USP16: variants seen among roughly 807,000 people sequenced by gnomAD.
The protein encoded by USP16 is ubiquitin specific peptidase 16, also known as ubiquitin carboxyl-terminal hydrolase 16.
A neutral mutation model predicts 95.9 loss-of-function variants in USP16; 77 were observed. The ratio of observed to expected loss-of-function variants is 0.80; its 90% CI spans 0.67 to 0.97. USP16 has a LOEUF of 0.97. USP16 is among the 50% of genes least tolerant of loss of function. The pLI, the probability that USP16 is intolerant of heterozygous loss-of-function variation, is 0.00. For synonymous variants in USP16, 303 were observed against 318.2 expected (o/e 0.95, Z 0.51); for missense variants, 943 against 959.9 (o/e 0.98, Z 0.23).
chr21:29,032,888 C>A (rs1365814315), intron 3 of USP16, among the ~76,000 whole-genome samples: 1 of 152,272 alleles, frequency 6.6e-6, no homozygotes, highest in South Asian at 2.1e-4. Context: ...TATATTCTTA[C>A]TAGCAGTGTA....
At position 29,032,264 on chromosome 21, in the gene USP16, C is replaced by T. The variant is rs1451692855; in HGVS notation, c.240+1491C>T. Among the ~76,000 whole-genome samples the T allele has an allele frequency of 3.3e-5, 5 of 152,108 alleles. No homozygotes were observed. The East Asian group carries it at 7.7e-4, about 23-fold the overall frequency. ...TTTCTTTTTTTGAGGCAGGGTCTCA[C>T]TCTCTCACCCAGGCTGGAGTTCAGC... On this transcript the variant is annotated intron_variant, in intron 3 of 17. Coordinates refer to ENST00000399976, the MANE Select transcript of USP16 (RefSeq NM_006447.3).
At position 29,030,758 on chromosome 21, in the gene USP16, T is replaced by G. The variant is rs2085065963; in HGVS notation, c.225T>G (p.Leu75=). The G allele has an allele frequency of 6.2e-7, 1 of 1,606,332 alleles. No individual in the cohort carries two copies. Among genetic ancestry groups the G allele is most frequent in the East Asian group, 2.2e-5 (1 of 44,802 alleles). Residue 75 remains leucine (L), a synonymous_variant, in exon 3 of 18, where the codon CTT becomes CTG. Coordinates refer to ENST00000399976, the MANE Select transcript of USP16 (RefSeq NM_006447.3). The part of the protein sequence containing the change: ...TEEKPSVWLC[L]KCGHQGCGRN... ...AAAAGCCTTCAGTTTGGCTGTGTCT[T>G]AAATGTGGCCATCAGGTATGCTTAC...
At chr21:29,052,362 G>C (rs1003725713) in intron 16 of USP16, 1 of 152,412 alleles carries the variant, frequency 6.6e-6, no homozygotes, top group Non-Finnish European at 1.5e-5. Flanking sequence ...TGGCTGGGGA[G>C]GCCTCACAGT....
At chr21:29,044,447 CTTT>C (rs5843364) in intron 13 of USP16, among the ~76,000 whole-genome samples, 11 of 120,562 alleles carry the variant, frequency 9.1e-5, no homozygotes, top group Admixed American at 1.7e-4. Flanking sequence ...CTTCTTCATT[CTTT>C]TTTTTTTTTT....
At chr21:29,027,641 A>C (rs1362744515) in intron 1 of USP16, among the ~76,000 whole-genome samples, 1 of 152,236 alleles carries the variant, frequency 6.6e-6, no homozygotes, top group East Asian at 1.9e-4. Flanking sequence ...CATATATTGA[A>C]AACCTCTTAA....
At chr21:29,039,247 T>C (rs1176638556) in intron 8 of USP16, 91 bp downstream of exon 8, 25 of 1,205,348 alleles carry the variant, frequency 2.1e-5, no homozygotes, top group South Asian at 3.8e-5. Context: ...AAAATATTAA[T>C]AGCATTACAT....
chr21:29,034,169 G>A (rs948352961), intron 3 of USP16, among the ~76,000 whole-genome samples: 1 of 152,168 alleles, frequency 6.6e-6, no homozygotes, highest in Non-Finnish European at 1.5e-5. Context: ...GAATATGCAT[G>A]TGAAGAAGGA....
intron 16 of USP16, among the ~76,000 whole-genome samples, chr21:29,050,637 A>G (rs1340682732): frequency 1.3e-5 from 2 of 152,248 alleles, no homozygotes; most frequent in African/African-American, 4.8e-5. Flanking sequence ...CAGAAGGAAC[A>G]GCAGGAGTAA....
chr21:29,050,309 T>A, intron 16 of USP16, 131 bp downstream of exon 16: 1 of 689,704 alleles, frequency 1.4e-6, no homozygotes, highest in Non-Finnish European at 2.3e-6. Context: ...TTGATCATTG[T>A]ACCTTTATAA....
At chr21:29,027,459 A>G (rs1601037430) in intron 1 of USP16, among the ~76,000 whole-genome samples, 2 of 152,266 alleles carry the variant, frequency 1.3e-5, no homozygotes. Context: ...TTTAATTTGC[A>G]TAGACTGCAG....
At position 29,050,128 on chromosome 21, in the gene USP16, A is replaced by C. The variant is rs192221103; in HGVS notation, c.2143A>C (p.Lys715Gln). ...FNLRKVNKHIKFPEILDLAPF... is the reference protein window; with the variant it reads ...FNLRKVNKHIQFPEILDLAPF... ...CCTACGCAAAGTTAACAAACACATA[A>C]AGTTTCCGGAAATCTTAGATTTGGC... The change falls in exon 16 of 18, where the codon AAG becomes CAG. Residue 715 changes from lysine (K) to glutamine (Q), a missense_variant. Coordinates refer to ENST00000399976, the MANE Select transcript of USP16 (RefSeq NM_006447.3). 3.1e-6 allele frequency: 5 copies of C among 1,613,674 alleles called. No homozygotes were observed. The South Asian group carries it at 4.4e-5, about 14-fold the overall frequency.
At position 29,046,737 on chromosome 21, in the gene USP16, C is replaced by T. The variant is rs762271372; in HGVS notation, c.1427C>T (p.Pro476Leu). The T allele has an allele frequency of 6.2e-7, 1 of 1,613,930 alleles. No homozygotes were observed. The highest frequency in any genetic ancestry group is 8.5e-7 in the Non-Finnish European group (1 of 1,179,960). The change falls in exon 14 of 18, where the codon CCT (proline) becomes CTT (leucine). Residue 476 changes from proline to leucine, a missense_variant. Physicochemically the swap from Pro to Leu is moderately conservative, Grantham distance 98. Transcript: ENST00000399976. ...HLNDICTIDHPEDSEYEAEMS... is the reference protein window; with the variant it reads ...HLNDICTIDHLEDSEYEAEMS... ...AATGATATTTGTACTATTGACCATC[C>T]TGAAGACAGTGAATATGAAGCTGAA...
intron 16 of USP16, 139 bp downstream of exon 16, chr21:29,050,317 T>A: frequency 1.5e-6 from 1 of 668,448 alleles, no homozygotes; most frequent in South Asian, 2.3e-5. Flanking sequence ...TGTACCTTTA[T>A]AATTTGAAGA....
rs1003590810 is a variant in USP16 at position 29,028,073 on chromosome 21, C to A, written c.61+99C>A. ...AAGCTGCATATTATTGTTATATTAT[C>A]TGCATTTTAATATAATGTTTGTATC... On this transcript the variant is annotated intron_variant, in intron 2 of 17. Coordinates refer to ENST00000399976, the MANE Select transcript of USP16 (RefSeq NM_006447.3). 2.0e-5 allele frequency: 17 copies of A among 856,864 alleles called. No individual in the cohort carries two copies. The African/African-American group carries it at 2.6e-4, about 13-fold the overall frequency. The allele number at this position is 856,864 out of a possible 1,614,324, so 53.1% of individuals were successfully genotyped here.
In USP16 at chr21:29,039,530, C is replaced by T. The variant is rs755926892; in HGVS notation, c.913C>T (p.Arg305Cys). 45 of 1,613,130 alleles carry T rather than the reference C, an allele frequency of 2.8e-5. No individual in the cohort carries two copies. The highest frequency in any genetic ancestry group is 3.3e-5 in the Admixed American group (2 of 59,984). Reference protein sequence around the residue: ...YQQQDSQELLRYLLDGMRAEE... With the variant: ...YQQQDSQELLCYLLDGMRAEE... Reference sequence around the variant, plus strand: ...GCAGCAAGACAGCCAGGAGCTGCTTCGCTACTTATTGGATGGGATGAGAGC... The same window carrying T: ...GCAGCAAGACAGCCAGGAGCTGCTTTGCTACTTATTGGATGGGATGAGAGC... Residue 305 changes from arginine to cysteine, a missense_variant, in exon 9 of 18, where the codon CGC becomes TGC. Arg to Cys is a radical substitution (Grantham distance 180). Transcript: ENST00000399976.
At chr21:29,033,707 T>C (rs1047063245) in intron 3 of USP16, among the ~76,000 whole-genome samples, 4 of 152,234 alleles carry the variant, frequency 2.6e-5, no homozygotes, top group African/African-American at 9.6e-5. Flanking sequence ...CTTTGGGATT[T>C]ATAGACCAGG....
At chr21:29,050,013 C>T (rs961859099) in intron 15 of USP16, 79 bp from the exon 16 acceptor site, 34 of 1,237,276 alleles carry the variant, frequency 2.7e-5, no homozygotes, top group Middle Eastern at 2.2e-4. Context: ...TTCTTTTGGA[C>T]GTCGGAGGGG....
rs927826747 is a variant in USP16 at position 29,049,732 on chromosome 21, T to A, written c.2107-360T>A. Among the ~76,000 whole-genome samples the A allele has an allele frequency of 4.6e-5, 7 of 152,294 alleles. No individual in the cohort carries two copies. In the East Asian group the frequency reaches 9.6e-4, roughly 21 times the overall value. On this transcript the variant is annotated intron_variant, in intron 15 of 17. Transcript: ENST00000399976. ...CTACCACCATGTCCAGCTAATTTTT[T>A]AATTTTTTTGTAGAGACAGAGTCTC... is the stretch of plus-strand genomic sequence containing the variant.
At chr21:29,047,956 A>ATG (rs1338093659) in intron 14 of USP16, among the ~76,000 whole-genome samples, 7 of 150,662 alleles carry the variant, frequency 4.6e-5, no homozygotes, top group African/African-American at 1.7e-4. Context: ...GTATATATAT[A>ATG]TATGTGTGTG....
Sources: allele counts gnomAD v4.1 joint callset (sites outside exome capture counted in the v4.1 genomes callset), GRCh38; gene constraint gnomAD v4.1.1; transcripts MANE v1.5; gene names NCBI Gene and HGNC (gene_info 2026-07-23, HGNC 2026-07-21).